The following MAN2A1 variants were observed in gnomAD, a reference collection of about 807,000 sequenced individuals.
MAN2A1 encodes the protein alpha-mannosidase 2.
Under a neutral mutation model 142.6 loss-of-function variants are expected in MAN2A1, and 76 were observed. The observed-to-expected ratio is 0.53, with a 90% CI of 0.44 to 0.65. The LOEUF (loss-of-function observed/expected upper bound fraction) is 0.65, where lower values mean the gene tolerates loss of function less well. MAN2A1 is among the 30% of genes least tolerant of loss of function. The pLI is 0.00. For synonymous variants in MAN2A1, 559 were observed against 473.2 expected, an observed-to-expected ratio of 1.18 and a Z score of -2.35; for missense variants, 1,311 against 1,365.1, an observed-to-expected ratio of 0.96 and a Z score of 0.62.
chr5:109,697,312 G>A (rs1335876895), intron 1 of MAN2A1, among the ~76,000 whole-genome samples: 1 of 152,194 alleles, frequency 6.6e-6, no homozygotes, highest in Non-Finnish European at 1.5e-5. Context: ...AAAAAGCAGG[G>A]AAAGAAACTG....
At chr5:109,837,670 GCCACCCTTCACTCAGCATACGTTTA>G (rs1023856254) in intron 16 of MAN2A1, among the ~76,000 whole-genome samples, 1 of 152,084 alleles carries the variant, frequency 6.6e-6, no homozygotes, top group African/African-American at 2.4e-5. Flanking sequence ...CGACATAGCT[GCCACCCTTCACTCAGCATACGTTTA>G]CCACCCTTCA....
At chr5:109,861,377 C>CT (rs1755753318) in intron 20 of MAN2A1, among the ~76,000 whole-genome samples, 2 of 152,190 alleles carry the variant, frequency 1.3e-5, no homozygotes. Flanking sequence ...CTTGATGTCA[C>CT]TTTGACTTAT....
chr5:109,693,634 G>A (rs987553405), intron 1 of MAN2A1, among the ~76,000 whole-genome samples: 1 of 152,010 alleles, frequency 6.6e-6, no homozygotes, highest in African/African-American at 2.4e-5. Context: ...CAACTCTGGT[G>A]TTTTCCACCA....
intron 19 of MAN2A1, among the ~76,000 whole-genome samples, chr5:109,849,550 A>G (rs1346394887): frequency 6.6e-6 from 1 of 151,990 alleles, no homozygotes; most frequent in Non-Finnish European, 1.5e-5. Context: ...TCACCTATCT[A>G]TCTCATTGCC....
intron 20 of MAN2A1, among the ~76,000 whole-genome samples, chr5:109,860,583 G>A (rs1186241230): frequency 1.3e-5 from 2 of 152,144 alleles, no homozygotes; most frequent in East Asian, 1.9e-4. Context: ...CCCCACAAAC[G>A]GTGGTTGCAC....
At chr5:109,723,062 A>T (rs1433436848) in intron 3 of MAN2A1, among the ~76,000 whole-genome samples, 1 of 152,164 alleles carries the variant, frequency 6.6e-6, no homozygotes, top group Non-Finnish European at 1.5e-5. Flanking sequence ...CAGGTCTTCT[A>T]AGGGGCACTT....
rs1357565460 is a variant in MAN2A1 at position 109,789,474 on chromosome 5, A to G, written c.1890A>G (p.Lys630=). 6.3e-7 allele frequency: 1 copy of G among 1,586,462 alleles called. No homozygotes were observed. Among genetic ancestry groups the G allele is most frequent in the Admixed American group, 1.7e-5 (1 of 57,836 alleles). ...CATTTTTATAGGATTTGAAACAAAA[A>G]TCACAAGATTCTCTGCCACAAAAAA... ...DTFLEMDLKQ[K]SQDSLPQKNI... The change falls in exon 12 of 22, where the codon AAA becomes AAG. Residue 630 remains lysine (K), a synonymous_variant. Coordinates refer to ENST00000261483, the MANE Select transcript of MAN2A1 (RefSeq NM_002372.4).
chr5:109,736,579 T>C (rs1448556482), intron 4 of MAN2A1, among the ~76,000 whole-genome samples: 1 of 152,192 alleles, frequency 6.6e-6, no homozygotes, highest in Non-Finnish European at 1.5e-5. Flanking sequence ...GAAAAATATT[T>C]CGTATTTTCT....
intron 8 of MAN2A1, among the ~76,000 whole-genome samples, chr5:109,780,057 T>G (rs951481572): frequency 5.3e-5 from 8 of 151,424 alleles, no homozygotes; most frequent in Non-Finnish European, 1.0e-4. Context: ...TGGTTGTAAG[T>G]TTTTTTTTGT....
intron 16 of MAN2A1, among the ~76,000 whole-genome samples, chr5:109,829,178 C>T (rs1386768963): frequency 1.3e-5 from 2 of 152,164 alleles, no homozygotes; most frequent in Non-Finnish European, 2.9e-5. Context: ...CATGTCATTT[C>T]AGTCTACTTA....
chr5:109,745,788 T>C (rs1241356582), intron 4 of MAN2A1, among the ~76,000 whole-genome samples: 1 of 152,048 alleles, frequency 6.6e-6, no homozygotes, highest in Non-Finnish European at 1.5e-5. Flanking sequence ...TAGCCAATTT[T>C]TATAATTTTG....
intron 16 of MAN2A1, among the ~76,000 whole-genome samples, chr5:109,839,919 A>T (rs933605708): frequency 3.3e-5 from 5 of 151,680 alleles, no homozygotes; most frequent in Non-Finnish European, 5.9e-5. Context: ...TGCCTACACT[A>T]ACAGCATTTA....
At chr5:109,822,009 G>C (rs1754636018) in intron 15 of MAN2A1, among the ~76,000 whole-genome samples, 1 of 151,786 alleles carries the variant, frequency 6.6e-6, no homozygotes, top group South Asian at 2.1e-4. Context: ...TTGTTAGCTA[G>C]GGACCTATCT....
chr5:109,783,906 C>T (rs1753528184), intron 9 of MAN2A1, among the ~76,000 whole-genome samples: 1 of 151,920 alleles, frequency 6.6e-6, no homozygotes. Context: ...TGCTCTGTTG[C>T]CCAGGCTGGA....
intron 20 of MAN2A1, among the ~76,000 whole-genome samples, chr5:109,857,485 G>A (rs367639433): frequency 2.3e-4 from 35 of 152,124 alleles, no homozygotes; most frequent in Admixed American, 9.2e-4. Flanking sequence ...GAACCCAGAG[G>A]CTTCTGGGGA....
intron 20 of MAN2A1, among the ~76,000 whole-genome samples, chr5:109,856,066 A>G (rs1168812551): frequency 6.6e-6 from 1 of 152,198 alleles, no homozygotes; most frequent in Non-Finnish European, 1.5e-5. Flanking sequence ...AAGAGGTGAG[A>G]AATGTTTAAT....
intron 12 of MAN2A1, among the ~76,000 whole-genome samples, chr5:109,807,921 A>T (rs568715579): frequency 1.3e-5 from 2 of 152,004 alleles, no homozygotes; most frequent in Non-Finnish European, 2.9e-5. Context: ...TTGAGCCTTC[A>T]CCCCTTAAGT....
At chr5:109,826,485 A>T (rs141705013) in intron 16 of MAN2A1, among the ~76,000 whole-genome samples, 7 of 152,264 alleles carry the variant, frequency 4.6e-5, no homozygotes, top group African/African-American at 7.2e-5. Flanking sequence ...AATCACCTGA[A>T]ATGCTTTCTT....
At chr5:109,778,638 A>C (rs1039006060) in intron 8 of MAN2A1, among the ~76,000 whole-genome samples, 1 of 152,072 alleles carries the variant, frequency 6.6e-6, no homozygotes. Context: ...CCAGTACCCC[A>C]AGATGAAAAT....
Sources: gnomAD v4.1 joint callset for allele counts (sites outside exome capture counted in the v4.1 genomes callset) on GRCh38, gnomAD v4.1.1 for gene constraint, MANE v1.5 for transcripts, NCBI Gene and HGNC (gene_info 2026-07-23, HGNC 2026-07-21) for gene names.